Variants in QTMAN observed in about 807,000 individuals in gnomAD.
The protein encoded by QTMAN is tRNA-queuosine alpha-mannosyltransferase.
chr2:144,274,597 T>C, the QTMAN span, among the ~76,000 whole-genome samples: 1 of 152,174 alleles, frequency 6.6e-6, no homozygotes, highest in African/African-American at 2.4e-5. Context: ...TTCGAGGAGC[T>C]TCCAGGTTGC....
the QTMAN span, chr2:143,957,087 TC>T: frequency 1.1e-6 from 1 of 877,818 alleles, no homozygotes; most frequent in African/African-American, 1.7e-5. Context: ...TCAATTGAAT[TC>T]CTTTTGATCA....
the QTMAN span, among the ~76,000 whole-genome samples, chr2:144,228,539 A>G: frequency 6.6e-6 from 1 of 152,260 alleles, no homozygotes; most frequent in African/African-American, 2.4e-5. Flanking sequence ...ATAAGTAAAT[A>G]GCTGAAGGTT....
chr2:144,061,212 G>A, the QTMAN span, among the ~76,000 whole-genome samples: 41 of 152,076 alleles, frequency 2.7e-4, 1 homozygote, highest in Non-Finnish European at 4.4e-4. Flanking sequence ...TTGGAAGTTC[G>A]AGAAAACAAA....
At chr2:144,203,427 C>T in the QTMAN span, among the ~76,000 whole-genome samples, 3 of 152,072 alleles carry the variant, frequency 2.0e-5, no homozygotes, top group Non-Finnish European at 4.4e-5. Flanking sequence ...GGAAGAAGCC[C>T]TAAGGGCCAT....
chr2:144,016,781 G>C, the QTMAN span, among the ~76,000 whole-genome samples: 1 of 152,110 alleles, frequency 6.6e-6, no homozygotes, highest in Non-Finnish European at 1.5e-5. Context: ...AATATGACAT[G>C]ATTTTACTGA....
chr2:144,080,561 TA>T, the QTMAN span, among the ~76,000 whole-genome samples: 1 of 152,308 alleles, frequency 6.6e-6, no homozygotes, highest in Non-Finnish European at 1.5e-5. Flanking sequence ...TATGTCTCCG[TA>T]AGGTTTCAAA....
At chr2:144,235,924 A>T in the QTMAN span, among the ~76,000 whole-genome samples, 177 of 151,756 alleles carry the variant, frequency 1.2e-3, 1 homozygote, top group African/African-American at 4.2e-3. Flanking sequence ...TTAATAAGAG[A>T]TTTTCAGTCT....
the QTMAN span, chr2:143,957,371 T>C: frequency 7.1e-7 from 1 of 1,416,230 alleles, no homozygotes. Context: ...TATTCATCTA[T>C]TTAATATAGT....
chr2:144,251,947 G>C, the QTMAN span, among the ~76,000 whole-genome samples: 1 of 152,112 alleles, frequency 6.6e-6, no homozygotes, highest in Non-Finnish European at 1.5e-5. Flanking sequence ...TGTAATCCCA[G>C]CACTTTGGGA....
At chr2:144,266,175 G>T in the QTMAN span, among the ~76,000 whole-genome samples, 1 of 152,152 alleles carries the variant, frequency 6.6e-6, no homozygotes, top group Admixed American at 6.5e-5. Flanking sequence ...AGGGTTACTG[G>T]AGAAAATGAT....
the QTMAN span, chr2:143,939,897 C>T: frequency 6.6e-6 from 1 of 152,164 alleles, no homozygotes; most frequent in Non-Finnish European, 1.5e-5. Context: ...CTACCCCCCA[C>T]ATTTGTCCAC....
chr2:144,066,991 C>T, the QTMAN span, among the ~76,000 whole-genome samples: 2 of 152,344 alleles, frequency 1.3e-5, no homozygotes, highest in African/African-American at 4.8e-5. Flanking sequence ...ACAACTAATT[C>T]ATCAGCATAT....
chr2:144,037,546 A>G, the QTMAN span, among the ~76,000 whole-genome samples: 1 of 152,212 alleles, frequency 6.6e-6, no homozygotes, highest in African/African-American at 2.4e-5. Flanking sequence ...GCTGAAGGGC[A>G]TGGGGGCAGG....
chr2:144,025,139 T>C, the QTMAN span, among the ~76,000 whole-genome samples: 131 of 152,078 alleles, frequency 8.6e-4, 2 homozygotes, highest in Non-Finnish European at 7.5e-4. Flanking sequence ...AGAAATATTA[T>C]CTGTAAAATA....
chr2:144,209,824 ATGACT>A, the QTMAN span, among the ~76,000 whole-genome samples: 8 of 152,180 alleles, frequency 5.3e-5, no homozygotes, highest in Non-Finnish European at 7.3e-5. Context: ...ATTTTCCTTT[ATGACT>A]TAAGTAAATA....
chr2:144,067,525 T>C, the QTMAN span, among the ~76,000 whole-genome samples: 1 of 152,106 alleles, frequency 6.6e-6, no homozygotes, highest in Non-Finnish European at 1.5e-5. Context: ...ATAAAAGAAA[T>C]CCAATTAAGA....
chr2:144,212,763 A>C, the QTMAN span, among the ~76,000 whole-genome samples: 1 of 152,182 alleles, frequency 6.6e-6, no homozygotes, highest in Non-Finnish European at 1.5e-5. Context: ...TCTTCAGCAC[A>C]ATTTATTCCC....
At chr2:144,204,551 TA>T in the QTMAN span, among the ~76,000 whole-genome samples, 1 of 152,210 alleles carries the variant, frequency 6.6e-6, no homozygotes, top group East Asian at 1.9e-4. Flanking sequence ...GTTGGGACTG[TA>T]AGCTAGTTCA....
chr2:144,000,115 TC>T, the QTMAN span, among the ~76,000 whole-genome samples: 1 of 152,082 alleles, frequency 6.6e-6, no homozygotes, highest in East Asian at 1.9e-4. Context: ...TGAGGCTCTT[TC>T]TTTGGCCATG....
Sources: gnomAD v4.1 joint callset for allele counts (sites outside exome capture counted in the v4.1 genomes callset) on GRCh38, gnomAD v4.1.1 for gene constraint, MANE v1.5 for transcripts, NCBI Gene and HGNC (gene_info 2026-07-23, HGNC 2026-07-21) for gene names.